Variants in STON2 observed in about 807,000 individuals in gnomAD.
STON2 encodes the protein stonin 2.
STON2 carries 29 observed loss-of-function variants against 65.7 expected under a neutral mutation model. The ratio of observed to expected loss-of-function variants is 0.44; its 90% CI spans 0.33 to 0.60. The LOEUF (loss-of-function observed/expected upper bound fraction) is 0.60, where lower values mean the gene tolerates loss of function less well. Among genes scored for constraint, STON2 ranks in the 20% least tolerant of loss-of-function variants. The pLI is 0.03. For missense variants in STON2, 1,054 were observed against 1,118.1 expected (o/e 0.94, Z 0.82); for synonymous variants, 404 against 414.2 (o/e 0.98, Z 0.30).
intron 6 of STON2, 49 bp from the exon 7 acceptor site, chr14:81,270,921 G>T: frequency 6.3e-7 from 1 of 1,586,218 alleles, no homozygotes. Context: ...GGAGAAAGTG[G>T]AAGGAGCAGC....
chr14:81,377,157 C>T (rs1423510377), intron 3 of STON2, among the ~76,000 whole-genome samples: 1 of 152,194 alleles, frequency 6.6e-6, no homozygotes, highest in Non-Finnish European at 1.5e-5. Flanking sequence ...TTCCCTCCTA[C>T]CTTGCCTCCA....
upstream of STON2, among the ~76,000 whole-genome samples, chr14:81,402,369 G>A (rs1900650915): frequency 6.6e-6 from 1 of 152,180 alleles, no homozygotes. Flanking sequence ...CTGCCCTCAA[G>A]CAGCTGTCAA....
chr14:81,305,751 T>C (rs4903977), intron 5 of STON2, among the ~76,000 whole-genome samples: 119,658 of 152,020 alleles, frequency 0.79, 47,246 homozygotes, highest in African/African-American at 0.8. Context: ...TGGTTAGTCC[T>C]TTTTAAGTCT....
chr14:81,422,321 T>C (rs1901745167), intron 2 of STON2, among the ~76,000 whole-genome samples: 2 of 152,204 alleles, frequency 1.3e-5, no homozygotes, highest in Non-Finnish European at 2.9e-5. Flanking sequence ...TGTCTTGCTA[T>C]GTGATCTCTG....
chr14:81,389,044 AG>A (rs1383668700), intron 3 of STON2, among the ~76,000 whole-genome samples: 2 of 152,236 alleles, frequency 1.3e-5, no homozygotes, highest in Non-Finnish European at 2.9e-5. Flanking sequence ...TGCACAAGAC[AG>A]GTACCAAGAT....
At chr14:81,295,346 G>T (rs745557557) in intron 5 of STON2, among the ~76,000 whole-genome samples, 5 of 151,916 alleles carry the variant, frequency 3.3e-5, no homozygotes, top group Non-Finnish European at 7.4e-5. Context: ...GAAAAGAAAA[G>T]AAATAGAAGA....
intron 4 of STON2, among the ~76,000 whole-genome samples, chr14:81,326,143 A>G (rs1204077280): frequency 1.3e-5 from 2 of 152,226 alleles, no homozygotes; most frequent in African/African-American, 4.8e-5. Context: ...TTATTAATGA[A>G]GCAAACATGG....
At chr14:81,421,076 GA>G (rs1901682088) in intron 2 of STON2, among the ~76,000 whole-genome samples, 1 of 152,188 alleles carries the variant, frequency 6.6e-6, no homozygotes, top group African/African-American at 2.4e-5. Flanking sequence ...ATTAATGTTA[GA>G]AATAGGTCAG....
chr14:81,302,584 T>G (rs1896008005), intron 5 of STON2, among the ~76,000 whole-genome samples: 2 of 152,238 alleles, frequency 1.3e-5, no homozygotes, highest in Admixed American at 6.5e-5. Flanking sequence ...GAATCCATAG[T>G]GGCAACTTCT....
At chr14:81,433,142 C>T (rs1259721083) in intron 1 of STON2, among the ~76,000 whole-genome samples, 1 of 152,196 alleles carries the variant, frequency 6.6e-6, no homozygotes, top group Admixed American at 6.5e-5. Flanking sequence ...TATAAAATAA[C>T]GACTTCAAGA....
In STON2 at chr14:81,261,812, T is replaced by G. The variant is rs571411819; in HGVS notation, c.*6602A>C. 1.2e-5 allele frequency: 19 copies of G among 1,529,976 alleles called. No individual in the cohort carries two copies. The highest frequency in any genetic ancestry group is 1.7e-5 in the Non-Finnish European group (19 of 1,145,558). 94.8% of individuals were successfully genotyped at this position (1,529,976 alleles called of 1,614,324 possible). A position where few individuals can be genotyped will look rare whatever the true frequency, so the allele number is the denominator to read the frequency against. ...CCATTGTTCTGATAGATGATGCCAG[T>G]GGAACTTCCAAAGAAGCATTCCACC... On this transcript the variant is annotated 3_prime_UTR_variant, in exon 8 of 8. Transcript: ENST00000614646.
At chr14:81,272,961 G>A (rs569147171) in intron 6 of STON2, among the ~76,000 whole-genome samples, 2 of 152,348 alleles carry the variant, frequency 1.3e-5, no homozygotes, top group African/African-American at 4.8e-5. Flanking sequence ...AAGATTCAGA[G>A]ATGACTCTGC....
intron 2 of STON2, among the ~76,000 whole-genome samples, chr14:81,415,002 CAA>C (rs1238654591): frequency 5.9e-5 from 9 of 152,166 alleles, no homozygotes; most frequent in Admixed American, 3.9e-4. Context: ...GCTCTGGGAA[CAA>C]AGTCAGGTGC....
chr14:81,299,503 T>C (rs915133217), intron 5 of STON2, among the ~76,000 whole-genome samples: 15 of 152,168 alleles, frequency 9.9e-5, no homozygotes, highest in Non-Finnish European at 1.6e-4. Context: ...GAAAAAGGAA[T>C]AAAAAGTAAA....
intron 5 of STON2, among the ~76,000 whole-genome samples, chr14:81,295,336 G>A (rs1297237165): frequency 6.6e-6 from 1 of 151,960 alleles, no homozygotes; most frequent in Non-Finnish European, 1.5e-5. Flanking sequence ...AAAAAGAAAA[G>A]AAAAGAAAAG....
intron 4 of STON2, among the ~76,000 whole-genome samples, chr14:81,354,876 G>T (rs1263639567): frequency 6.6e-6 from 1 of 152,024 alleles, no homozygotes; most frequent in Non-Finnish European, 1.5e-5. Flanking sequence ...AATTAGCTGG[G>T]CATGGTGGCA....
rs1271652615 is a variant in STON2, at chr14:81,264,852, G to T, written c.*3562C>A. 2.0e-6 allele frequency: 2 copies of T among 985,162 alleles called. No individual in the cohort carries two copies. Among genetic ancestry groups the T allele is most frequent in the Non-Finnish European group, 2.4e-6 (2 of 829,906 alleles). The allele number at this position is 985,162 out of a possible 1,614,324, so 61.0% of individuals were successfully genotyped here. ...GAGCAGGCAAGGGGGATCATCTAAT[G>T]GTCTCCCCACAAAGTGCCTCACATT... is the stretch of plus-strand genomic sequence containing the variant. On this transcript the variant is annotated 3_prime_UTR_variant, in exon 8 of 8. Coordinates refer to ENST00000614646, the MANE Select transcript of STON2 (RefSeq NM_001394390.1).
chr14:81,336,977 G>T (rs960836093), intron 4 of STON2, among the ~76,000 whole-genome samples: 5 of 152,164 alleles, frequency 3.3e-5, no homozygotes, highest in African/African-American at 1.2e-4. Flanking sequence ...GGAAGTTGCA[G>T]AACTTTCCCA....
In STON2 at chr14:81,262,560, A is replaced by G. The variant is rs928795143; in HGVS notation, c.*5854T>C. 2 of 985,256 alleles carry G rather than the reference A, an allele frequency of 2.0e-6. No individual in the cohort carries two copies. Among genetic ancestry groups the G allele is most frequent in the Admixed American group, 1.2e-4 (2 of 16,260 alleles). The allele number at this position is 985,256 out of a possible 1,614,324, so 61.0% of individuals were successfully genotyped here. A position where few individuals can be genotyped will look rare whatever the true frequency, so the allele number is the denominator to read the frequency against. On this transcript the variant is annotated 3_prime_UTR_variant, in exon 8 of 8. Transcript: ENST00000614646. ...ATCTCTCTAGATTTTACTTTTTCAT[A>G]TTGAAATTCTTTTTTTAGTCTATTC... is the stretch of plus-strand genomic sequence containing the variant.
Sources: allele counts gnomAD v4.1 joint callset (sites outside exome capture counted in the v4.1 genomes callset), GRCh38; gene constraint gnomAD v4.1.1; transcripts MANE v1.5; gene names NCBI Gene and HGNC (gene_info 2026-07-23, HGNC 2026-07-21).